The following GMDS variants were observed in gnomAD, a reference collection of about 807,000 sequenced individuals.
GMDS encodes GDP-mannose 4,6 dehydratase.
GMDS carries 20 observed loss-of-function variants against 49.9 expected under a neutral mutation model. The observed-to-expected ratio is 0.40, with a 90% confidence interval of 0.28 to 0.58. The LOEUF (loss-of-function observed/expected upper bound fraction) is 0.58. Among genes scored for constraint, GMDS ranks in the 20% least tolerant of loss-of-function variants. The probability of loss-of-function intolerance (pLI) is 0.42; values close to 1 mark genes in which losing one functional copy is unlikely to be tolerated. For missense variants in GMDS, 362 were observed against 481.4 expected (o/e 0.75, Z 2.32); for synonymous variants, 177 against 178.6 (o/e 0.99, Z 0.07).
At chr6:2,052,705 C>A (rs571104397) in intron 4 of GMDS, among the ~76,000 whole-genome samples, 62 of 152,230 alleles carry the variant, frequency 4.1e-4, no homozygotes, top group Non-Finnish European at 5.6e-4. Context: ...GAATTCTCTT[C>A]CCCCAGCCAG....
At chr6:1,784,390 CAAAAAA>C (rs780517217) in intron 7 of GMDS, among the ~76,000 whole-genome samples, 41 of 40,480 alleles carry the variant, frequency 1.0e-3, no homozygotes, top group African/African-American at 3.6e-3. Flanking sequence ...AGACTCGTCT[CAAAAAA>C]AAAAAAAAAA....
intron 4 of GMDS, among the ~76,000 whole-genome samples, chr6:2,105,551 A>T (rs1027176136): frequency 1.3e-5 from 2 of 152,188 alleles, no homozygotes; most frequent in African/African-American, 4.8e-5. Flanking sequence ...TGTCCCCTAC[A>T]CCATGTAACA....
intron 1 of GMDS, among the ~76,000 whole-genome samples, chr6:2,187,858 A>G (rs1778847491): frequency 6.6e-6 from 1 of 152,244 alleles, no homozygotes; most frequent in African/African-American, 2.4e-5. Flanking sequence ...TCTAAAGAAC[A>G]GGAAATTGTG....
chr6:1,750,290 T>C (rs1410844867), intron 7 of GMDS, among the ~76,000 whole-genome samples: 1 of 152,190 alleles, frequency 6.6e-6, no homozygotes, highest in Non-Finnish European at 1.5e-5. Flanking sequence ...ATATATTTCT[T>C]GAAGATGGCT....
At chr6:1,875,767 C>T (rs530927466) in intron 7 of GMDS, among the ~76,000 whole-genome samples, 107 of 150,456 alleles carry the variant, frequency 7.1e-4, no homozygotes, top group African/African-American at 2.5e-3. Flanking sequence ...GGCTCACACC[C>T]GTAATCCCAG....
At chr6:1,630,440 C>T (rs1415814671) in intron 9 of GMDS, among the ~76,000 whole-genome samples, 1 of 152,220 alleles carries the variant, frequency 6.6e-6, no homozygotes, top group East Asian at 1.9e-4. Context: ...GCATGCTCCC[C>T]ACCTCCTGAG....
At chr6:2,138,074 C>CAGTCAAATGTTTGAATT (rs1344829961) in intron 1 of GMDS, among the ~76,000 whole-genome samples, 3 of 152,132 alleles carry the variant, frequency 2.0e-5, no homozygotes, top group African/African-American at 2.4e-5. Context: ...TTCTTTGAAA[C>CAGTCAAATGTTTGAATT]AGTCAAATGT....
At chr6:2,220,853 T>C (rs552243252) in intron 1 of GMDS, among the ~76,000 whole-genome samples, 1 of 152,036 alleles carries the variant, frequency 6.6e-6, no homozygotes, top group Non-Finnish European at 1.5e-5. Flanking sequence ...CCCTGTTTGA[T>C]AATGGTAATA....
At chr6:2,065,160 C>T (rs567249271) in intron 4 of GMDS, among the ~76,000 whole-genome samples, 9 of 152,280 alleles carry the variant, frequency 5.9e-5, no homozygotes, top group East Asian at 5.8e-4. Context: ...CCAGCAGGGG[C>T]AGACTGACAC....
At chr6:1,777,560 G>A (rs1477565756) in intron 7 of GMDS, among the ~76,000 whole-genome samples, 1 of 152,210 alleles carries the variant, frequency 6.6e-6, no homozygotes, top group African/African-American at 2.4e-5. Context: ...CCATCACTCT[G>A]AAAAGAGTTT....
chr6:1,835,517 A>C (rs182484170), intron 7 of GMDS, among the ~76,000 whole-genome samples: 1 of 152,386 alleles, frequency 6.6e-6, no homozygotes, highest in Admixed American at 6.5e-5. Flanking sequence ...ATGTCACTAT[A>C]AAATAATCTT....
At chr6:1,736,015 T>G (rs560535671) in intron 8 of GMDS, among the ~76,000 whole-genome samples, 3 of 152,318 alleles carry the variant, frequency 2.0e-5, no homozygotes, top group South Asian at 4.1e-4. Flanking sequence ...TAGGTACTTA[T>G]GAAGGCAGCA....
chr6:1,756,127 T>C (rs1426793140), intron 7 of GMDS, among the ~76,000 whole-genome samples: 1 of 152,174 alleles, frequency 6.6e-6, no homozygotes, highest in Non-Finnish European at 1.5e-5. Context: ...AAACAATATA[T>C]TCCCCAATTA....
chr6:2,098,938 C>T (rs1193848263), intron 4 of GMDS, among the ~76,000 whole-genome samples: 1 of 152,008 alleles, frequency 6.6e-6, no homozygotes, highest in African/African-American at 2.4e-5. Context: ...ACAGAAATCC[C>T]TTATTCAAGT....
intron 7 of GMDS, among the ~76,000 whole-genome samples, chr6:1,875,029 T>C (rs1758960862): frequency 6.6e-6 from 1 of 152,252 alleles, no homozygotes; most frequent in African/African-American, 2.4e-5. Flanking sequence ...CTTAAAAGTT[T>C]AAATATTCAG....
chr6:1,673,970 A>ATTTTTTTTTTTTTTTTTTTTTTTTT (rs1554106277), intron 9 of GMDS, among the ~76,000 whole-genome samples: 4 of 144,974 alleles, frequency 2.8e-5, no homozygotes, highest in East Asian at 2.0e-4. Context: ...TAGGTTGATT[A>ATTTTTTTTTTTTTTTTTTTTTTTTT]TTAATAATGC....
intron 4 of GMDS, among the ~76,000 whole-genome samples, chr6:2,068,453 T>G (rs993208647): frequency 6.6e-6 from 1 of 152,038 alleles, no homozygotes; most frequent in African/African-American, 2.4e-5. Context: ...GGGTATTCAA[T>G]TAGGAAAAGA....
At chr6:2,052,116 C>CAAAAAAAAAAAAAAAAAAAAAAAA (rs1285013159) in intron 4 of GMDS, among the ~76,000 whole-genome samples, 44 of 43,574 alleles carry the variant, frequency 1.0e-3, no homozygotes, top group East Asian at 3.4e-3. Flanking sequence ...GACTCTGTCT[C>CAAAAAAAAAAAAAAAAAAAAAAAA]AAAAAAAAAA....
intron 1 of GMDS, among the ~76,000 whole-genome samples, chr6:2,147,361 CACAT>C (rs894659492): frequency 2.6e-5 from 4 of 152,272 alleles, no homozygotes; most frequent in Admixed American, 2.0e-4. Flanking sequence ...TGCCCCCACT[CACAT>C]ACACGTTTAG....
Sources: allele counts gnomAD v4.1 joint callset (sites outside exome capture counted in the v4.1 genomes callset), GRCh38; gene constraint gnomAD v4.1.1; transcripts MANE v1.5; gene names NCBI Gene and HGNC (gene_info 2026-07-23, HGNC 2026-07-21).